The following CCSER1 variants were observed in gnomAD, a reference collection of about 807,000 sequenced individuals.
CCSER1 encodes the protein serine-rich coiled-coil domain-containing protein 1.
CCSER1 carries 41 observed loss-of-function variants against 82.0 expected under a neutral mutation model. The ratio of observed to expected loss-of-function variants is 0.50; its 90% CI spans 0.39 to 0.65. The LOEUF is 0.65. Among genes scored for constraint, CCSER1 ranks in the 30% least tolerant of loss-of-function variants. CCSER1 has a pLI of 0.00. For synonymous variants in CCSER1, 414 were observed against 383.9 expected (o/e 1.08, Z -0.92); for missense variants, 1,119 against 1,064.2 (o/e 1.05, Z -0.72).
chr4:91,136,579 TGGG>T (rs1485225464), intron 10 of CCSER1, among the ~76,000 whole-genome samples: 1 of 152,152 alleles, frequency 6.6e-6, no homozygotes, highest in Admixed American at 6.6e-5. Flanking sequence ...TCCCCAACAT[TGGG>T]AGAATTCTTT....
At chr4:90,703,042 C>A (rs989379036) in intron 6 of CCSER1, among the ~76,000 whole-genome samples, 1 of 152,096 alleles carries the variant, frequency 6.6e-6, no homozygotes, top group African/African-American at 2.4e-5. Context: ...TCTTGCTTCT[C>A]TAGTTGTTTT....
intron 10 of CCSER1, among the ~76,000 whole-genome samples, chr4:91,131,143 T>G (rs554183368): frequency 3.4e-4 from 51 of 152,104 alleles, no homozygotes; most frequent in African/African-American, 1.2e-3. Flanking sequence ...AAAACAATTG[T>G]GTAAATAATA....
chr4:90,832,096 C>G (rs1761188705), intron 8 of CCSER1, among the ~76,000 whole-genome samples: 1 of 151,104 alleles, frequency 6.6e-6, no homozygotes, highest in South Asian at 2.1e-4. Flanking sequence ...TTTTTTTTTC[C>G]TAGTTCAGTG....
At chr4:91,487,640 C>T (rs1035061257) in intron 10 of CCSER1, among the ~76,000 whole-genome samples, 23 of 152,004 alleles carry the variant, frequency 1.5e-4, no homozygotes, top group Non-Finnish European at 8.8e-5. Context: ...CATATAGTTG[C>T]TTAATATAAT....
intron 5 of CCSER1, among the ~76,000 whole-genome samples, chr4:90,524,022 G>C (rs1006547204): frequency 6.6e-6 from 1 of 151,978 alleles, no homozygotes; most frequent in Non-Finnish European, 1.5e-5. Context: ...ATCATTTGTA[G>C]TGTTCAAAGT....
intron 5 of CCSER1, among the ~76,000 whole-genome samples, chr4:90,587,484 C>A (rs971668823): frequency 2.0e-5 from 3 of 152,146 alleles, no homozygotes; most frequent in Non-Finnish European, 4.4e-5. Flanking sequence ...GTGGCAGGTG[C>A]CTGTAGTCCC....
chr4:90,265,201 C>G (rs75319276), intron 1 of CCSER1, among the ~76,000 whole-genome samples: 7,378 of 151,764 alleles, frequency 0.049, 476 homozygotes, highest in African/African-American at 0.15. Context: ...TACCTATATT[C>G]CTGAGGCAAT....
At chr4:91,017,187 C>G (rs942328442) in intron 9 of CCSER1, 2 of 152,116 alleles carry the variant, frequency 1.3e-5, no homozygotes, top group Non-Finnish European at 2.9e-5. Context: ...GCTCTGGATA[C>G]CTCCTAACTC....
At position 90,414,291 on chromosome 4, in the gene CCSER1, G is replaced by C. The variant is rs527834941; in HGVS notation, c.1603+14162G>C. On this transcript the variant is annotated intron_variant, in intron 4 of 10. Coordinates refer to ENST00000509176, the MANE Select transcript of CCSER1 (RefSeq NM_001145065.2). Reference sequence around the variant, plus strand: ...AAGGCTAAGGTTTTCAATTTAAAAGGTTTTAGATTTAAAGGATTTTTTTAT... The same window carrying C: ...AAGGCTAAGGTTTTCAATTTAAAAGCTTTTAGATTTAAAGGATTTTTTTAT... Among the ~76,000 whole-genome samples the C allele has an allele frequency of 4.0e-5, 6 of 151,382 alleles. No homozygotes were observed. In the South Asian group the frequency reaches 1.0e-3, roughly 26 times the overall value.
At chr4:91,386,861 A>T (rs1464163075) in intron 10 of CCSER1, among the ~76,000 whole-genome samples, 2 of 152,032 alleles carry the variant, frequency 1.3e-5, no homozygotes, top group Non-Finnish European at 2.9e-5. Context: ...TATATTAAGG[A>T]AACAAAAAAG....
chr4:91,038,266 A>G (rs1252044465), intron 9 of CCSER1, among the ~76,000 whole-genome samples: 1 of 152,212 alleles, frequency 6.6e-6, no homozygotes, highest in Non-Finnish European at 1.5e-5. Context: ...ATAGTAAAGA[A>G]ATATTAGTCA....
intron 9 of CCSER1, among the ~76,000 whole-genome samples, chr4:91,010,456 T>C (rs1394321140): frequency 2.4e-5 from 2 of 82,804 alleles, no homozygotes; most frequent in African/African-American, 5.8e-5. Flanking sequence ...CCATATCTCT[T>C]TGAAGACTTG....
chr4:91,509,048 G>A (rs1039989398), intron 10 of CCSER1, among the ~76,000 whole-genome samples: 6 of 151,384 alleles, frequency 4.0e-5, no homozygotes, highest in East Asian at 3.9e-4. Context: ...AACAAATTTC[G>A]GATTTGCTTA....
chr4:90,640,757 T>A (rs552205425), intron 6 of CCSER1, among the ~76,000 whole-genome samples: 2 of 152,310 alleles, frequency 1.3e-5, no homozygotes, highest in African/African-American at 4.8e-5. Flanking sequence ...CCCCTTTCGC[T>A]CTGCACTTCT....
chr4:91,523,040 T>A (rs1223545719), intron 10 of CCSER1, among the ~76,000 whole-genome samples: 1 of 152,206 alleles, frequency 6.6e-6, no homozygotes, highest in African/African-American at 2.4e-5. Flanking sequence ...TATTTTGAGA[T>A]ATGTTCCATC....
chr4:91,312,314 G>T (rs1451456403), intron 10 of CCSER1, among the ~76,000 whole-genome samples: 1 of 151,730 alleles, frequency 6.6e-6, no homozygotes, highest in Non-Finnish European at 1.5e-5. Flanking sequence ...GAATATCAAG[G>T]AGAAAGAGGC....
chr4:91,448,547 G>A (rs62309588), intron 10 of CCSER1, among the ~76,000 whole-genome samples: 3 of 152,008 alleles, frequency 2.0e-5, no homozygotes, highest in Admixed American at 2.0e-4. Flanking sequence ...CTTATTTTGA[G>A]TGTTAAGAGT....
At chr4:90,522,573 T>C (rs1392688515) in intron 5 of CCSER1, among the ~76,000 whole-genome samples, 1 of 152,102 alleles carries the variant, frequency 6.6e-6, no homozygotes, top group African/African-American at 2.4e-5. Context: ...TTTTCCCTCT[T>C]TAGGAAATGG....
intron 8 of CCSER1, among the ~76,000 whole-genome samples, chr4:90,904,704 C>A (rs1338053572): frequency 6.6e-6 from 1 of 152,110 alleles, no homozygotes; most frequent in African/African-American, 2.4e-5. Context: ...TTGCAACCAT[C>A]TGAAACAACG....
Sources: gnomAD v4.1 joint callset for allele counts (sites outside exome capture counted in the v4.1 genomes callset) on GRCh38, gnomAD v4.1.1 for gene constraint, MANE v1.5 for transcripts, NCBI Gene and HGNC (gene_info 2026-07-23, HGNC 2026-07-21) for gene names.